AUTS2: variants seen among roughly 807,000 people sequenced by gnomAD.
AUTS2 encodes autism susceptibility gene 2 protein.
Under a neutral mutation model 112.4 loss-of-function variants are expected in AUTS2, and 17 were observed. The ratio of observed to expected loss-of-function variants is 0.15; its 90% CI spans 0.10 to 0.23. The LOEUF (loss-of-function observed/expected upper bound fraction) is 0.23, where lower values mean the gene tolerates loss of function less well. AUTS2 is among the 10% of genes least tolerant of loss of function. The pLI is 1.00. For missense variants in AUTS2, 1,510 were observed against 1,701.6 expected, an observed-to-expected ratio of 0.89 and a Z score of 1.98; for synonymous variants, 751 against 702.7, an observed-to-expected ratio of 1.07 and a Z score of -1.09.
chr7:70,402,616 G>T (rs542468696), intron 4 of AUTS2, among the ~76,000 whole-genome samples: 1 of 152,328 alleles, frequency 6.6e-6, no homozygotes, highest in South Asian at 2.1e-4. Context: ...AGAAAGGCTT[G>T]CATGCGGGAA....
At chr7:70,611,103 G>A (rs1315998934) in intron 5 of AUTS2, among the ~76,000 whole-genome samples, 1 of 152,194 alleles carries the variant, frequency 6.6e-6, no homozygotes, top group Non-Finnish European at 1.5e-5. Flanking sequence ...TTCAGGTCTT[G>A]TATTACATGT....
chr7:69,862,370 A>G (rs1046210246), intron 1 of AUTS2, among the ~76,000 whole-genome samples: 2 of 152,208 alleles, frequency 1.3e-5, no homozygotes, highest in Admixed American at 6.5e-5. Flanking sequence ...AAAGGAAATG[A>G]AAACGAACCC....
chr7:69,628,584 C>T (rs1473526391), intron 1 of AUTS2, among the ~76,000 whole-genome samples: 1 of 152,100 alleles, frequency 6.6e-6, no homozygotes, highest in African/African-American at 2.4e-5. Context: ...ACAGGCTGTA[C>T]AGGAAGCATG....
At chr7:70,622,161 G>T (rs1206454745) in intron 5 of AUTS2, among the ~76,000 whole-genome samples, 2 of 152,028 alleles carry the variant, frequency 1.3e-5, no homozygotes, top group East Asian at 3.9e-4. Flanking sequence ...TTAAGGGCAT[G>T]TTCAGACCAA....
chr7:69,741,298 A>G (rs191785766), intron 1 of AUTS2, among the ~76,000 whole-genome samples: 8 of 152,296 alleles, frequency 5.3e-5, no homozygotes, highest in Admixed American at 2.0e-4. Flanking sequence ...TTTCCAGCTC[A>G]TTCCTTCTTA....
intron 4 of AUTS2, among the ~76,000 whole-genome samples, chr7:70,343,524 G>A (rs536821978): frequency 6.6e-5 from 10 of 152,208 alleles, no homozygotes; most frequent in Non-Finnish European, 1.5e-4. Context: ...CAAGCCACTG[G>A]AACATAAACA....
In AUTS2 at chr7:70,671,085, T is replaced by C. The variant is rs144345287; in HGVS notation, c.691-27484T>C. Reference sequence around the variant, plus strand: ...TACTCGGGAGGCTGAGGCAGGATAATTGCTTGAACCTGGTGGGGGGATGGG... The same window carrying C: ...TACTCGGGAGGCTGAGGCAGGATAACTGCTTGAACCTGGTGGGGGGATGGG... On this transcript the variant is annotated intron_variant, in intron 5 of 18. Transcript: ENST00000342771. Among the ~76,000 whole-genome samples the C allele has an allele frequency of 7.6e-4, 115 of 152,264 alleles. 1 individual carries two copies. The highest frequency in any genetic ancestry group is 2.6e-3 in the African/African-American group (108 of 41,578).
chr7:70,650,719 A>G (rs1175693139), intron 5 of AUTS2, among the ~76,000 whole-genome samples: 2 of 152,236 alleles, frequency 1.3e-5, no homozygotes, highest in African/African-American at 4.8e-5. Flanking sequence ...TTACCTCTAC[A>G]TATCTCCAGT....
At chr7:69,992,326 A>T (rs1049505032) in intron 2 of AUTS2, among the ~76,000 whole-genome samples, 1 of 152,222 alleles carries the variant, frequency 6.6e-6, no homozygotes, top group Non-Finnish European at 1.5e-5. Context: ...GTTCCTTCCA[A>T]AATAAAGATA....
At chr7:70,136,274 A>G (rs1034277665) in intron 4 of AUTS2, among the ~76,000 whole-genome samples, 3 of 152,188 alleles carry the variant, frequency 2.0e-5, no homozygotes, top group Admixed American at 6.6e-5. Flanking sequence ...CTTTGCTTAC[A>G]TAAAAGTCTG....
intron 5 of AUTS2, among the ~76,000 whole-genome samples, chr7:70,449,268 C>T (rs1300993140): frequency 1.3e-5 from 2 of 152,200 alleles, no homozygotes; most frequent in Non-Finnish European, 2.9e-5. Flanking sequence ...AATCATGACC[C>T]ATCCACTTTT....
chr7:69,820,884 T>C (rs1288972743), intron 1 of AUTS2, among the ~76,000 whole-genome samples: 2 of 152,178 alleles, frequency 1.3e-5, no homozygotes, highest in African/African-American at 2.4e-5. Context: ...TAGGCAGGTT[T>C]ATGAAGAAGA....
chr7:70,515,123 T>A (rs1250493288), intron 5 of AUTS2, among the ~76,000 whole-genome samples: 1 of 152,190 alleles, frequency 6.6e-6, no homozygotes, highest in Non-Finnish European at 1.5e-5. Flanking sequence ...CTATAGCATA[T>A]AGAGTCATGC....
intron 2 of AUTS2, among the ~76,000 whole-genome samples, chr7:69,911,916 C>T (rs1053811138): frequency 1.3e-5 from 2 of 152,150 alleles, no homozygotes; most frequent in African/African-American, 4.8e-5. Flanking sequence ...TGGAATTTCA[C>T]TGGGGACCTG....
At chr7:70,196,528 A>G (rs1286446267) in intron 4 of AUTS2, among the ~76,000 whole-genome samples, 4 of 152,202 alleles carry the variant, frequency 2.6e-5, no homozygotes. Flanking sequence ...CCCTCATGCC[A>G]TGTTCTTCTC....
chr7:70,348,537 G>A (rs1791599415), intron 4 of AUTS2, among the ~76,000 whole-genome samples: 1 of 152,132 alleles, frequency 6.6e-6, no homozygotes, highest in South Asian at 2.1e-4. Context: ...GGGCACGGTG[G>A]CTCACGCCTG....
chr7:69,611,076 C>T (rs544323885), intron 1 of AUTS2, among the ~76,000 whole-genome samples: 2 of 152,260 alleles, frequency 1.3e-5, no homozygotes, highest in Non-Finnish European at 2.9e-5. Flanking sequence ...TAAATTTACC[C>T]TTTTTATTTG....
intron 4 of AUTS2, among the ~76,000 whole-genome samples, chr7:70,154,358 G>T (rs1463286368): frequency 6.6e-6 from 1 of 152,188 alleles, no homozygotes; most frequent in Non-Finnish European, 1.5e-5. Flanking sequence ...AAGGAATTCA[G>T]TGAGGGGTTG....
intron 1 of AUTS2, among the ~76,000 whole-genome samples, chr7:69,851,542 G>A (rs536035310): frequency 2.0e-5 from 3 of 152,250 alleles, no homozygotes; most frequent in South Asian, 2.1e-4. Flanking sequence ...AAGCCACTGC[G>A]CCTGGCCCAT....
Sources: allele counts gnomAD v4.1 joint callset (sites outside exome capture counted in the v4.1 genomes callset), GRCh38; gene constraint gnomAD v4.1.1; transcripts MANE v1.5; gene names NCBI Gene and HGNC (gene_info 2026-07-23, HGNC 2026-07-21).